MITF: variants seen among roughly 807,000 people sequenced by gnomAD.
MITF encodes melanocyte inducing transcription factor.
A neutral mutation model predicts 60.5 loss-of-function variants in MITF; 17 were observed. The observed-to-expected ratio is 0.28, with a 90% CI of 0.19 to 0.42. The LOEUF is 0.42. Among genes scored for constraint, MITF ranks in the 10% least tolerant of loss-of-function variants. The probability of loss-of-function intolerance (pLI) is 1.00; values close to 1 mark genes in which losing one functional copy is unlikely to be tolerated. For missense variants in MITF, 622 were observed against 683.5 expected, an observed-to-expected ratio of 0.91 and a Z score of 1.00; for synonymous variants, 260 against 248.5, an observed-to-expected ratio of 1.05 and a Z score of -0.43.
chr3:69,807,522 A>T (rs1454629092), intron 1 of MITF, among the ~76,000 whole-genome samples: 1 of 152,360 alleles, frequency 6.6e-6, no homozygotes, highest in East Asian at 1.9e-4. Flanking sequence ...AACCCAATTA[A>T]TGAATGGAAA....
At chr3:69,880,095 A>G (rs1372966428) in intron 2 of MITF, among the ~76,000 whole-genome samples, 3 of 152,212 alleles carry the variant, frequency 2.0e-5, no homozygotes, top group Non-Finnish European at 4.4e-5. Flanking sequence ...GTTCTTAAAT[A>G]TGACTGATTC....
intron 1 of MITF, among the ~76,000 whole-genome samples, chr3:69,825,794 G>A (rs919912199): frequency 2.0e-5 from 3 of 152,140 alleles, no homozygotes; most frequent in African/African-American, 7.2e-5. Context: ...TAAGTGTGTT[G>A]CTCTCAAGAG....
chr3:69,793,158 C>T (rs780914909), intron 1 of MITF, among the ~76,000 whole-genome samples: 4 of 151,484 alleles, frequency 2.6e-5, no homozygotes, highest in Non-Finnish European at 2.9e-5. Context: ...GAACTATAGG[C>T]GCTTGCCACC....
intron 2 of MITF, among the ~76,000 whole-genome samples, chr3:69,901,613 T>A (rs952109469): frequency 2.6e-5 from 4 of 152,172 alleles, no homozygotes; most frequent in African/African-American, 9.7e-5. Context: ...GCACATGGTC[T>A]AATCACCTAT....
intron 2 of MITF, among the ~76,000 whole-genome samples, chr3:69,908,585 G>T (rs1252300845): frequency 6.6e-6 from 1 of 152,004 alleles, no homozygotes; most frequent in Non-Finnish European, 1.5e-5. Flanking sequence ...TTACCACATT[G>T]ATATTTGTGG....
intron 2 of MITF, among the ~76,000 whole-genome samples, chr3:69,911,264 C>T (rs1054341394): frequency 3.1e-4 from 47 of 152,152 alleles, no homozygotes; most frequent in African/African-American, 1.1e-3. Flanking sequence ...CCAATTAAAC[C>T]TCTTTTTCTT....
rs868519483 is a variant in MITF at position 69,965,012 on chromosome 3, G to A, written c.1345G>A (p.Asp449Asn). 6.2e-6 allele frequency: 10 copies of A among 1,614,008 alleles called. No individual in the cohort carries two copies. Among genetic ancestry groups the A allele is most frequent in the Middle Eastern group, 3.3e-4 (2 of 6,062 alleles). Reference sequence around the variant, plus strand: ...AGACCTAACCTGTACAACAACTCTCGATCTCACGGATGGCACCATCACCTT... The same window carrying A: ...AGACCTAACCTGTACAACAACTCTCAATCTCACGGATGGCACCATCACCTT... ...HADLTCTTTL[D>N]LTDGTITFNN... Residue 449 changes from aspartate (D) to asparagine (N), a missense_variant, in exon 10 of 10, where the codon GAT becomes AAT. By Grantham distance (23) the Asp-to-Asn change is conservative. Around this residue, in one of 5 missense-constraint regions of MITF, gnomAD observed 224 missense variants for 209.5 expected, o/e 1.07. Coordinates refer to ENST00000352241, the MANE Select transcript of MITF (RefSeq NM_001354604.2).
chr3:69,818,839 T>A (rs1038770618), intron 1 of MITF, among the ~76,000 whole-genome samples: 4 of 152,204 alleles, frequency 2.6e-5, no homozygotes, highest in Non-Finnish European at 5.9e-5. Context: ...GTAAAGTGTT[T>A]ACTCACAAGG....
chr3:69,939,134 A>T lies in MITF; in HGVS notation c.619A>T (p.Ser207Cys), dbSNP rs2065909873. The change falls in exon 4 of 10, where the codon AGC becomes TGC. Residue 207 changes from serine to cysteine, a missense_variant. Ser to Cys is a moderately radical substitution (Grantham distance 112). Around this residue, in one of 5 missense-constraint regions of MITF, gnomAD observed 215 missense variants for 224.8 expected, o/e 0.96. Transcript: ENST00000352241. ...YKFEEQNRAE[S>C]ECPGMNTHSR... ...GTTTGAAGAGCAAAACAGGGCAGAG[A>T]GCGAGTGCCCAGGCATGAACACACA... 1.2e-6 allele frequency: 2 copies of T among 1,613,998 alleles called. No individual in the cohort carries two copies. The highest frequency in any genetic ancestry group is 1.7e-6 in the Non-Finnish European group (2 of 1,180,024).
chr3:69,945,141 A>G (rs1279686429), intron 5 of MITF, among the ~76,000 whole-genome samples: 1 of 152,206 alleles, frequency 6.6e-6, no homozygotes, highest in African/African-American at 2.4e-5. Context: ...ACAGTGCTCA[A>G]TTGATATTCA....
intron 1 of MITF, among the ~76,000 whole-genome samples, chr3:69,819,525 A>G (rs2063232953): frequency 6.6e-6 from 1 of 152,234 alleles, no homozygotes; most frequent in South Asian, 2.1e-4. Context: ...GAACTTGTCC[A>G]GGAAGTTGAA....
chr3:69,740,347 T>C (rs1327619817), intron 1 of MITF, among the ~76,000 whole-genome samples: 1 of 152,014 alleles, frequency 6.6e-6, no homozygotes, highest in Non-Finnish European at 1.5e-5. Context: ...TTAAACTCTC[T>C]GGAAATAGAG....
At chr3:69,857,852 TCTTC>T (rs1477152079) in intron 1 of MITF, among the ~76,000 whole-genome samples, 1 of 152,156 alleles carries the variant, frequency 6.6e-6, no homozygotes, top group African/African-American at 2.4e-5. Context: ...TAATTTTGAC[TCTTC>T]CTTCTTTTAT....
Position 69,949,078 on chromosome 3 carries a change from C to G in MITF, c.790C>G (p.Leu264Val). Residue 264 changes from leucine (L) to valine (V), a missense_variant, in exon 6 of 10, where the codon CTT (leucine) becomes GTT (valine). Leu to Val is a conservative substitution (Grantham distance 32, BLOSUM62 1). Transcript: ENST00000352241. ...TLPVSGNLIDLYGNQGLPPPG... is the reference protein window; with the variant it reads ...TLPVSGNLIDVYGNQGLPPPG... ...GCCTGTCTCGGGAAACTTGATTGAT[C>G]TTTATGGAAACCAAGGTCTGCCCCC... 4 of 1,613,626 alleles carry G rather than the reference C, an allele frequency of 2.5e-6. No homozygotes were observed. The highest frequency in any genetic ancestry group is 3.4e-6 in the Non-Finnish European group (4 of 1,179,774).
intron 2 of MITF, chr3:69,937,197 A>G (rs1280400644): frequency 6.2e-6 from 1 of 162,074 alleles, no homozygotes; most frequent in African/African-American, 2.4e-5. Flanking sequence ...TTTGAAAGAA[A>G]CTACTTAATG....
At chr3:69,936,644 TTC>T in intron 2 of MITF, 2 of 1,600,346 alleles carry the variant, frequency 1.2e-6, no homozygotes, top group Non-Finnish European at 1.7e-6. Context: ...CCAGTCCATC[TTC>T]AAATTGGAAT....
At chr3:69,938,780 C>T (rs975828086) in intron 3 of MITF, 27 of 1,341,836 alleles carry the variant, frequency 2.0e-5, no homozygotes, top group Middle Eastern at 2.8e-4. Context: ...TGGGATTTAC[C>T]GTACTATGGA....
At chr3:69,871,332 C>G (rs145307535) in intron 1 of MITF, among the ~76,000 whole-genome samples, 1 of 152,214 alleles carries the variant, frequency 6.6e-6, no homozygotes, top group Non-Finnish European at 1.5e-5. Context: ...CTGAGTTAGT[C>G]TTTGTGACCA....
chr3:69,838,013 T>C (rs532633977), intron 1 of MITF, among the ~76,000 whole-genome samples: 1 of 152,322 alleles, frequency 6.6e-6, no homozygotes, highest in East Asian at 1.9e-4. Context: ...AGTGATTATA[T>C]CTTACAGAAT....
Sources: allele counts gnomAD v4.1 joint callset (sites outside exome capture counted in the v4.1 genomes callset), GRCh38; gene constraint gnomAD v4.1.1; regional missense constraint gnomAD v4.1.1; transcripts MANE v1.5; gene names NCBI Gene and HGNC (gene_info 2026-07-23, HGNC 2026-07-21).